The following CDK17 variants were observed in gnomAD, a reference collection of about 807,000 sequenced individuals.
CDK17 encodes the protein cyclin dependent kinase 17.
CDK17 carries 24 observed loss-of-function variants against 77.6 expected under a neutral mutation model. The ratio of observed to expected loss-of-function variants is 0.31; its 90% CI spans 0.22 to 0.44. The LOEUF (loss-of-function observed/expected upper bound fraction) is 0.44, where lower values mean the gene tolerates loss of function less well. Among genes scored for constraint, CDK17 ranks in the 20% least tolerant of loss-of-function variants. CDK17 has a pLI of 1.00. For synonymous variants in CDK17, 203 were observed against 210.4 expected, an observed-to-expected ratio of 0.96 and a Z score of 0.30; for missense variants, 429 against 622.5, an observed-to-expected ratio of 0.69 and a Z score of 3.31.
At position 96,280,096 on chromosome 12, in the gene CDK17, G is replaced by C; in HGVS notation, c.*146C>G. 1.4e-6 allele frequency: 1 copy of C among 722,140 alleles called. No homozygotes were observed. The highest frequency in any genetic ancestry group is 2.5e-4 in the Middle Eastern group (1 of 4,046). The allele number at this position is 722,140 out of a possible 1,614,324, so 44.7% of individuals were successfully genotyped here. A position where few individuals can be genotyped will look rare whatever the true frequency, so the allele number is the denominator to read the frequency against. Reference sequence around the variant, plus strand: ...CAACAAATATAAAAACAATCTGTAGGTCTGAAATAAAAAGACTCCACTGTG... The same window carrying C: ...CAACAAATATAAAAACAATCTGTAGCTCTGAAATAAAAAGACTCCACTGTG... On this transcript the variant is annotated 3_prime_UTR_variant, in exon 17 of 17. Coordinates refer to ENST00000261211, the MANE Select transcript of CDK17 (RefSeq NM_002595.5).
intron 3 of CDK17, among the ~76,000 whole-genome samples, chr12:96,323,274 A>C (rs10860016): frequency 0.2 from 27,712 of 141,318 alleles, 3,251 homozygotes; most frequent in East Asian, 0.59. Context: ...CTTCTAAAAA[A>C]AAAAAAAAAA....
At chr12:96,367,911 G>T (rs1953614377) in intron 1 of CDK17, among the ~76,000 whole-genome samples, 2 of 151,554 alleles carry the variant, frequency 1.3e-5, no homozygotes, top group Admixed American at 1.3e-4. Context: ...GAGAATAATG[G>T]GAGGCCTAAA....
At chr12:96,347,530 C>T (rs11503397) in intron 1 of CDK17, among the ~76,000 whole-genome samples, 61,356 of 141,110 alleles carry the variant, frequency 0.43, 14,823 homozygotes, top group African/African-American at 0.64. Flanking sequence ...CACACTCCAG[C>T]CTGGACGACA....
intron 5 of CDK17, among the ~76,000 whole-genome samples, chr12:96,302,547 T>C (rs374418699): frequency 6.6e-6 from 1 of 152,068 alleles, no homozygotes. Flanking sequence ...AAATGCAAAC[T>C]AGTATGAACA....
At chr12:96,366,491 C>T (rs1953584942) in intron 1 of CDK17, among the ~76,000 whole-genome samples, 1 of 152,134 alleles carries the variant, frequency 6.6e-6, no homozygotes, top group Non-Finnish European at 1.5e-5. Context: ...GACAAACAGA[C>T]ATCAAGTAAA....
rs1592699405 is a variant in CDK17 at position 96,278,417 on chromosome 12, A to G, written c.*1825T>C. 1 of 152,218 alleles carries G rather than the reference A, an allele frequency of 6.6e-6. No homozygotes were observed. Among genetic ancestry groups the G allele is most frequent in the Non-Finnish European group, 1.5e-5 (1 of 67,996 alleles). The allele number at this position is 152,218 out of a possible 1,614,324, so 9.4% of individuals were successfully genotyped here. A position where few individuals can be genotyped will look rare whatever the true frequency, so the allele number is the denominator to read the frequency against. The stretch of plus-strand genomic sequence containing the variant: ...CCCAGCAGAAATTACTAAGCAAATG[A>G]TTGGCACAAACAGAAAACAATAACA... On this transcript the variant is annotated 3_prime_UTR_variant, in exon 17 of 17. Coordinates refer to ENST00000261211, the MANE Select transcript of CDK17 (RefSeq NM_002595.5).
At chr12:96,283,511 C>A in intron 14 of CDK17, 92 bp downstream of exon 14, 2 of 709,056 alleles carry the variant, frequency 2.8e-6, no homozygotes, top group Non-Finnish European at 5.0e-6. Flanking sequence ...TTGTCATTAA[C>A]AATACCGAGG....
At chr12:96,357,683 C>T (rs1378881319) in intron 1 of CDK17, among the ~76,000 whole-genome samples, 1 of 152,172 alleles carries the variant, frequency 6.6e-6, no homozygotes. Context: ...GAGGTTACAC[C>T]TCTGGGTTGT....
chr12:96,380,171 G>C (rs12830119), intron 1 of CDK17, among the ~76,000 whole-genome samples: 93,416 of 137,790 alleles, frequency 0.68, 30,126 homozygotes, highest in East Asian at 0.83. Context: ...TCTGTCCCCC[G>C]ACCAAAAAAA....
chr12:96,338,886 C>T (rs564874634), intron 1 of CDK17, among the ~76,000 whole-genome samples: 14 of 151,800 alleles, frequency 9.2e-5, no homozygotes, highest in South Asian at 2.1e-4. Context: ...TCTGCATCTA[C>T]CACCATTTTC....
intron 3 of CDK17, among the ~76,000 whole-genome samples, chr12:96,318,277 A>G: frequency 6.6e-6 from 1 of 151,976 alleles, no homozygotes. Context: ...CACCCAATAC[A>G]GGAGCACCCA....
intron 5 of CDK17, among the ~76,000 whole-genome samples, chr12:96,306,567 T>C (rs1952580173): frequency 6.6e-6 from 1 of 152,114 alleles, no homozygotes; most frequent in Admixed American, 6.6e-5. Flanking sequence ...GTCTAGTACA[T>C]GTGAAGAATA....
intron 2 of CDK17, among the ~76,000 whole-genome samples, chr12:96,326,489 G>C (rs892930116): frequency 2.0e-5 from 3 of 152,222 alleles, no homozygotes; most frequent in Non-Finnish European, 2.9e-5. Context: ...AGGGAAGATG[G>C]TTAAGTTGTG....
rs374797342 is a variant in CDK17 at position 96,377,695 on chromosome 12, G to GTT, written c.-30+22289_-30+22290dup. ...ATTACAGAAGCAGTTTTTTTTTTTC[G>GTT]TTTTTTTTTTTTTTTTGAGATGGAG... On this transcript the variant is annotated intron_variant, in intron 1 of 16. Coordinates refer to ENST00000261211, the MANE Select transcript of CDK17 (RefSeq NM_002595.5). Among the ~76,000 whole-genome samples the GTT allele has an allele frequency of 7.1e-3, 876 of 123,844 alleles. 17 individuals are homozygous for GTT. Among genetic ancestry groups the GTT allele is most frequent in the African/African-American group, 0.024 (780 of 32,638 alleles). 81.2% of individuals were successfully genotyped at this position (123,844 alleles called of 152,430 possible). A position where few individuals can be genotyped will look rare whatever the true frequency, so the allele number is the denominator to read the frequency against.
At chr12:96,371,346 AT>A (rs756887542) in intron 1 of CDK17, among the ~76,000 whole-genome samples, 2 of 152,208 alleles carry the variant, frequency 1.3e-5, no homozygotes, top group Non-Finnish European at 2.9e-5. Context: ...ACGTAAAGAT[AT>A]CCCGTGAAGC....
chr12:96,349,560 A>T (rs1412224692), intron 1 of CDK17, among the ~76,000 whole-genome samples: 2 of 150,584 alleles, frequency 1.3e-5, no homozygotes, highest in Non-Finnish European at 3.0e-5. Context: ...AAAGGATTTT[A>T]CAAAATTCAA....
intron 8 of CDK17, 128 bp downstream of exon 8, chr12:96,297,499 G>T: frequency 1.3e-6 from 1 of 777,854 alleles, no homozygotes; most frequent in Non-Finnish European, 2.2e-6. Context: ...AGTCTCTTGG[G>T]CTGTTAAAAA....
intron 1 of CDK17, among the ~76,000 whole-genome samples, chr12:96,364,024 T>C (rs1473720330): frequency 1.3e-5 from 2 of 152,244 alleles, no homozygotes; most frequent in African/African-American, 4.8e-5. Flanking sequence ...GGATATGTAC[T>C]CTTATACACG....
rs535143676 is a variant in CDK17, at chr12:96,348,707, A to C, written c.-29-13842T>G. The stretch of plus-strand genomic sequence containing the variant: ...GCTATGAACAATTATATGCTAACAA[A>C]TTGGATAGCTTAATGAAATAGACAA... On this transcript the variant is annotated intron_variant, in intron 1 of 16. Transcript: ENST00000261211. Among the ~76,000 whole-genome samples, 3 of 152,290 alleles carry C rather than the reference A, an allele frequency of 2.0e-5. No individual in the cohort carries two copies. The East Asian group carries it at 5.8e-4, about 29-fold the overall frequency.
Sources: allele counts gnomAD v4.1 joint callset (sites outside exome capture counted in the v4.1 genomes callset), GRCh38; gene constraint gnomAD v4.1.1; transcripts MANE v1.5; gene names NCBI Gene and HGNC (gene_info 2026-07-23, HGNC 2026-07-21).